TTC8: variants seen among roughly 807,000 people sequenced by gnomAD.
TTC8 encodes the protein tetratricopeptide repeat protein 8.
TTC8 carries 47 observed loss-of-function variants against 72.5 expected under a neutral mutation model. The ratio of observed to expected loss-of-function variants is 0.65; its 90% CI spans 0.51 to 0.83. The LOEUF (loss-of-function observed/expected upper bound fraction) is 0.83. Ranked by LOEUF, TTC8 falls within the 40% of genes least tolerant of loss-of-function variation. The pLI, the probability that TTC8 is intolerant of heterozygous loss-of-function variation, is 0.00. For missense variants in TTC8, 611 were observed against 623.2 expected, an observed-to-expected ratio of 0.98 and a Z score of 0.21; for synonymous variants, 199 against 221.4, an observed-to-expected ratio of 0.90 and a Z score of 0.90.
rs1335965962 is a variant in TTC8 at position 88,852,954 on chromosome 14, A to G, written c.625-17A>G. ...TTAGAAAAGAAAATACTAATCTAAAATGAATTGTTTTCAAAGGCTTTGGAT... is the reference window on the plus strand; with the variant it reads ...TTAGAAAAGAAAATACTAATCTAAAGTGAATTGTTTTCAAAGGCTTTGGAT... On this transcript the variant is annotated splice_polypyrimidine_tract_variant and intron_variant, in intron 7 of 14. Transcript: ENST00000380656. 1 of 1,605,194 alleles carries G rather than the reference A, an allele frequency of 6.2e-7. No homozygotes were observed. Among genetic ancestry groups the G allele is most frequent in the East Asian group, 2.2e-5 (1 of 44,702 alleles).
chr14:88,851,683 T>C (rs1334832263), intron 7 of TTC8, among the ~76,000 whole-genome samples: 3 of 152,094 alleles, frequency 2.0e-5, no homozygotes, highest in Non-Finnish European at 2.9e-5. Context: ...TTTTGTTTCA[T>C]TTTTATTTCT....
chr14:88,876,539 G>T (rs532920655), intron 14 of TTC8, among the ~76,000 whole-genome samples: 1 of 152,220 alleles, frequency 6.6e-6, no homozygotes, highest in African/African-American at 2.4e-5. Context: ...ATAAATGTTT[G>T]AGGTGACGGA....
chr14:88,844,920 T>C lies in TTC8; in HGVS notation c.624+1070T>C, dbSNP rs1407441059. Among the ~76,000 whole-genome samples the C allele has an allele frequency of 3.9e-5, 6 of 152,200 alleles. No homozygotes were observed. The East Asian group carries it at 1.2e-3, about 29-fold the overall frequency. On this transcript the variant is annotated intron_variant, in intron 7 of 14. Transcript: ENST00000380656. ...GGAGAACTAATAAAAAATATGATAC[T>C]TTTTCCTGCCTCTACAAGCCATGTA...
Position 88,877,366 on chromosome 14 carries a change from C to G in TTC8, c.1504C>G (p.Gln502Glu). The stretch of plus-strand genomic sequence containing the variant: ...AGCATTTCCAGACCATGTGGACACA[C>G]AACATTTAATTAAACAATTAAGGCA... ...EAAFPDHVDT[Q>E]HLIKQLRQHF... is the part of the protein sequence containing the mutation. Residue 502 changes from glutamine (Q) to glutamate (E), a missense_variant, in exon 15 of 15, where the codon CAA becomes GAA. Gln to Glu is a conservative substitution (Grantham distance 29). Transcript: ENST00000380656. 1 of 1,613,750 alleles carries G rather than the reference C, an allele frequency of 6.2e-7. No homozygotes were observed. Among genetic ancestry groups the G allele is most frequent in the Non-Finnish European group, 8.5e-7 (1 of 1,179,790 alleles).
intron 1 of TTC8, among the ~76,000 whole-genome samples, chr14:88,832,253 G>C (rs2094729222): frequency 6.6e-6 from 1 of 152,214 alleles, no homozygotes; most frequent in African/African-American, 2.4e-5. Context: ...CTGAGGCTGA[G>C]CTGGTGGTTT....
chr14:88,838,163 T>G (rs542782777), intron 2 of TTC8, among the ~76,000 whole-genome samples: 1 of 152,312 alleles, frequency 6.6e-6, no homozygotes, highest in East Asian at 1.9e-4. Context: ...GTTCATAGAA[T>G]GCATTCCAAT....
intron 10 of TTC8, among the ~76,000 whole-genome samples, chr14:88,863,377 C>T (rs2094896879): frequency 6.6e-6 from 1 of 152,124 alleles, no homozygotes; most frequent in Non-Finnish European, 1.5e-5. Flanking sequence ...CCAAGAGCTC[C>T]CTCCCAGTGG....
intron 14 of TTC8, among the ~76,000 whole-genome samples, chr14:88,875,461 C>T (rs751031786): frequency 1.3e-5 from 2 of 152,106 alleles, no homozygotes; most frequent in Non-Finnish European, 2.9e-5. Flanking sequence ...ATTTGTAGAT[C>T]ATATTGCCAC....
intron 7 of TTC8, chr14:88,846,510 AG>A: frequency 1.5e-6 from 1 of 648,650 alleles, no homozygotes; most frequent in Non-Finnish European, 2.6e-6. Context: ...GAGGCCTGTG[AG>A]GGGGAAGAGT....
intron 13 of TTC8, among the ~76,000 whole-genome samples, chr14:88,873,714 T>C (rs2094945102): frequency 6.6e-6 from 1 of 152,208 alleles, no homozygotes; most frequent in East Asian, 1.9e-4. Flanking sequence ...TAATAAATTG[T>C]ATTATTATAA....
Position 88,841,682 on chromosome 14 carries a change from A to T in TTC8, c.579+168A>T, listed in dbSNP as rs1252409949. Reference sequence around the variant, plus strand: ...AGTCTTTGAGTTAATTGAGTTAAGGAAGGTCAGTCAGAAATAAAGTACATA... The same window carrying T: ...AGTCTTTGAGTTAATTGAGTTAAGGTAGGTCAGTCAGAAATAAAGTACATA... On this transcript the variant is annotated intron_variant, in intron 6 of 14. Transcript: ENST00000380656. The T allele has an allele frequency of 4.5e-6, 3 of 662,220 alleles. No homozygotes were observed. In the African/African-American group the frequency reaches 5.5e-5, roughly 12 times the overall value. 41.0% of individuals were successfully genotyped at this position (662,220 alleles called of 1,614,324 possible). A position where few individuals can be genotyped will look rare whatever the true frequency, so the allele number is the denominator to read the frequency against.
chr14:88,836,548 T>C (rs988206832), intron 2 of TTC8, among the ~76,000 whole-genome samples: 1 of 152,010 alleles, frequency 6.6e-6, no homozygotes, highest in Non-Finnish European at 1.5e-5. Flanking sequence ...TTTATTCATA[T>C]TGCAGGGAAG....
At chr14:88,842,863 C>T (rs983931615) in intron 6 of TTC8, among the ~76,000 whole-genome samples, 6 of 152,016 alleles carry the variant, frequency 3.9e-5, no homozygotes, top group Non-Finnish European at 7.4e-5. Context: ...GATGCTGTAA[C>T]GTCATTTTCA....
At position 88,871,613 on chromosome 14, in the gene TTC8, T is replaced by C. The variant is rs1394547345; in HGVS notation, c.1114T>C (p.Tyr372His). ...LFNNLGLCCF[Y>H]AQQYDMTLTS... ...TAACAATCTGGGGCTGTGTTGCTTC[T>C]ATGCCCAGCAGTATGATATGACTCT... is the stretch of plus-strand genomic sequence containing the variant. The change falls in exon 12 of 15, where the codon TAT becomes CAT. Residue 372 changes from tyrosine to histidine, a missense_variant. Physicochemically the swap from Tyr to His is moderately conservative, Grantham distance 83. Transcript: ENST00000380656. The surrounding 1 kb of genome is among the most constrained non-coding windows in gnomAD (Gnocchi z 4.1). The C allele has an allele frequency of 6.2e-7, 1 of 1,614,178 alleles. No homozygotes were observed. Among genetic ancestry groups the C allele is most frequent in the Non-Finnish European group, 8.5e-7 (1 of 1,180,006 alleles).
At chr14:88,828,924 TAGTC>T (rs553666700) in intron 1 of TTC8, among the ~76,000 whole-genome samples, 8 of 152,202 alleles carry the variant, frequency 5.3e-5, no homozygotes, top group African/African-American at 7.2e-5. Flanking sequence ...TTATTTTTGA[TAGTC>T]AGGCTAGCCA....
In TTC8 at chr14:88,857,178, T is replaced by C; in HGVS notation, c.711-12T>C. ...AAGTTGAATGTCTAATTCTTAAAAT[T>C]GCTATTTGTAGGTTGGGAATGTATC... On this transcript the variant is annotated splice_polypyrimidine_tract_variant and intron_variant, in intron 8 of 14. Transcript: ENST00000380656. 6.2e-7 allele frequency: 1 copy of C among 1,612,728 alleles called. No homozygotes were observed.
At chr14:88,850,120 T>C (rs2094826784) in intron 7 of TTC8, among the ~76,000 whole-genome samples, 1 of 152,228 alleles carries the variant, frequency 6.6e-6, no homozygotes, top group Non-Finnish European at 1.5e-5. Flanking sequence ...TAAAGTCTTA[T>C]TTATTTTAAA....
intron 2 of TTC8, among the ~76,000 whole-genome samples, chr14:88,837,333 C>T (rs532854482): frequency 4.1e-4 from 62 of 152,308 alleles, no homozygotes; most frequent in Middle Eastern, 3.4e-3. Context: ...CAATTCTTCA[C>T]TTCTACCCTT....
intron 6 of TTC8, among the ~76,000 whole-genome samples, chr14:88,843,085 A>C (rs779505319): frequency 2.0e-5 from 3 of 152,146 alleles, no homozygotes; most frequent in Non-Finnish European, 4.4e-5. Flanking sequence ...GGTATTATGG[A>C]AAAAGGTAGT....
Sources: allele counts gnomAD v4.1 joint callset (sites outside exome capture counted in the v4.1 genomes callset), GRCh38; gene constraint gnomAD v4.1.1; non-coding constraint Gnocchi (gnomAD v3.1); transcripts MANE v1.5; gene names NCBI Gene and HGNC (gene_info 2026-07-23, HGNC 2026-07-21).